Variants in NRP1 observed in about 807,000 individuals in gnomAD.
NRP1 encodes the protein neuropilin-1.
In NRP1, 35 loss-of-function variants were observed where a neutral mutation model predicts 106.7. The observed-to-expected ratio is 0.33, with a 90% CI of 0.25 to 0.43. The LOEUF is 0.43. NRP1 is among the 20% of genes least tolerant of loss of function. NRP1 has a pLI of 1.00. For synonymous variants in NRP1, 437 were observed against 417.9 expected, an observed-to-expected ratio of 1.05 and a Z score of -0.56; for missense variants, 1,024 against 1,170.4, an observed-to-expected ratio of 0.87 and a Z score of 1.83.
Position 33,226,268 on chromosome 10 carries a change from A to G in NRP1, c.1003T>C (p.Phe335Leu). The change falls in exon 7 of 17, where the codon TTT (phenylalanine) becomes CTT (leucine). Residue 335 changes from phenylalanine (F) to leucine (L), a missense_variant. Phe to Leu is a conservative substitution (Grantham distance 22). Transcript: ENST00000374867. ...WIQVDLGLLR[F>L]VTAVGTQGAI... ...CCCTGTGTCCCGACAGCCGTGACAA[A>G]GCGCAGAAGGCCCAAGTCTACCTGC... is the stretch of plus-strand genomic sequence containing the variant. 6.2e-7 allele frequency: 1 copy of G among 1,614,126 alleles called. No individual in the cohort carries two copies. Among genetic ancestry groups the G allele is most frequent in the South Asian group, 1.1e-5 (1 of 91,078 alleles).
chr10:33,242,141 T>G (rs988162605), intron 6 of NRP1, among the ~76,000 whole-genome samples: 9 of 148,832 alleles, frequency 6.0e-5, no homozygotes, highest in African/African-American at 2.4e-4. Flanking sequence ...TGCCTCCTTT[T>G]ACTCCCCCCA....
At chr10:33,287,117 C>T (rs1382456974) in intron 2 of NRP1, among the ~76,000 whole-genome samples, 2 of 152,146 alleles carry the variant, frequency 1.3e-5, no homozygotes, top group African/African-American at 2.4e-5. Flanking sequence ...AACGAACATA[C>T]ACTCAAAAAC....
intron 3 of NRP1, among the ~76,000 whole-genome samples, chr10:33,269,358 T>C (rs1843136567): frequency 6.6e-6 from 1 of 152,150 alleles, no homozygotes; most frequent in South Asian, 2.1e-4. Flanking sequence ...AGCGGCACGA[T>C]CAAGGCTCAA....
At chr10:33,276,596 T>C (rs1205063189) in intron 2 of NRP1, among the ~76,000 whole-genome samples, 1 of 152,222 alleles carries the variant, frequency 6.6e-6, no homozygotes, top group African/African-American at 2.4e-5. Flanking sequence ...GAGACACTTT[T>C]TATGCTTTTA....
intron 2 of NRP1, among the ~76,000 whole-genome samples, chr10:33,277,026 G>T (rs1270536868): frequency 1.3e-5 from 2 of 151,406 alleles, no homozygotes; most frequent in Non-Finnish European, 2.9e-5. Context: ...GATCACTTAA[G>T]CCCAGGAGTT....
chr10:33,213,833 T>A, intron 8 of NRP1, 116 bp from the exon 9 acceptor site: 1 of 810,290 alleles, frequency 1.2e-6, no homozygotes, highest in East Asian at 2.7e-5. Context: ...CATATACAAT[T>A]TTCAGTCTCT....
chr10:33,253,641 G>A (rs965477976), intron 6 of NRP1, among the ~76,000 whole-genome samples: 5 of 152,088 alleles, frequency 3.3e-5, no homozygotes, highest in Admixed American at 6.6e-5. Context: ...ATTTCATCCA[G>A]GAAATAAAAA....
At chr10:33,322,007 C>G (rs1043775987) in intron 2 of NRP1, among the ~76,000 whole-genome samples, 1 of 152,224 alleles carries the variant, frequency 6.6e-6, no homozygotes, top group African/African-American at 2.4e-5. Context: ...CCTGAGCAGT[C>G]TCCCTTTAAC....
At position 33,306,514 on chromosome 10, in the gene NRP1, A is replaced by G. The variant is rs73252179; in HGVS notation, c.248+24194T>C. On this transcript the variant is annotated intron_variant, in intron 2 of 16. Coordinates refer to ENST00000374867, the MANE Select transcript of NRP1 (RefSeq NM_003873.7). ...ACAAGAGATTAAGACAGGCCAGGCA[A>G]CGACTTAATATGGTAAAACATATCT... Among the ~76,000 whole-genome samples the G allele has an allele frequency of 5.8e-3, 880 of 152,326 alleles. 11 individuals carry two copies. Among genetic ancestry groups the G allele is most frequent in the African/African-American group, 0.02 (822 of 41,574 alleles).
rs142290176 is a variant in NRP1, at chr10:33,222,383, G to A, written c.1138-520C>T. On this transcript the variant is annotated intron_variant, in intron 7 of 16. Transcript: ENST00000374867. ...AAGATCTTGTCCCTCACACTAATGCGTGACTTTAATCCTTTTTTGATTATT... is the reference window on the plus strand; with the variant it reads ...AAGATCTTGTCCCTCACACTAATGCATGACTTTAATCCTTTTTTGATTATT... Among the ~76,000 whole-genome samples, 130 of 152,218 alleles carry A rather than the reference G, an allele frequency of 8.5e-4. 1 individual carries two copies. In the East Asian group the frequency reaches 0.021, roughly 25 times the overall value.
chr10:33,284,169 T>C (rs1844344555), intron 2 of NRP1, among the ~76,000 whole-genome samples: 2 of 152,212 alleles, frequency 1.3e-5, no homozygotes, highest in South Asian at 4.1e-4. Flanking sequence ...GGAGAGAGAA[T>C]GTTGTTCTTT....
In NRP1 at chr10:33,221,741, T is replaced by C; in HGVS notation, c.1260A>G (p.Glu420=). ...TWETGISMRF[E]VYGCKITDYP... ...TACCTGTTATCTTGCAACCGTATAC[T>C]TCAAATCTCATAGATATGCCAGTTT... The change falls in exon 8 of 17, where the codon GAA becomes GAG. Residue 420 remains glutamate, a synonymous_variant. Coordinates refer to ENST00000374867, the MANE Select transcript of NRP1 (RefSeq NM_003873.7). 1 of 1,614,132 alleles carries C rather than the reference T, an allele frequency of 6.2e-7. No homozygotes were observed. The highest frequency in any genetic ancestry group is 8.5e-7 in the Non-Finnish European group (1 of 1,179,970).
chr10:33,263,033 G>T (rs1359182696), intron 4 of NRP1, among the ~76,000 whole-genome samples: 1 of 152,154 alleles, frequency 6.6e-6, no homozygotes, highest in Non-Finnish European at 1.5e-5. Context: ...TGAATGCATA[G>T]GTCAATGACT....
chr10:33,195,258 C>T (rs185644661), intron 12 of NRP1, among the ~76,000 whole-genome samples: 2 of 152,190 alleles, frequency 1.3e-5, no homozygotes, highest in East Asian at 1.9e-4. Flanking sequence ...CCCATACAAT[C>T]GTAGGTGATG....
rs1026206144 is a variant in NRP1 at position 33,334,394 on chromosome 10, C to G, written c.-12G>C. ...AGCCCCCTCTCCATTCTCCCTTCTC[C>G]GGGTCCGCAGGCAGACGCGGGAGAA... On this transcript the variant is annotated 5_prime_UTR_variant, in exon 1 of 17. Transcript: ENST00000374867. 55 of 1,543,778 alleles carry G rather than the reference C, an allele frequency of 3.6e-5. No individual in the cohort carries two copies. Among genetic ancestry groups the G allele is most frequent in the Non-Finnish European group, 4.5e-5 (52 of 1,146,762 alleles).
intron 2 of NRP1, among the ~76,000 whole-genome samples, chr10:33,281,329 C>T (rs1009206196): frequency 1.3e-5 from 2 of 152,040 alleles, no homozygotes; most frequent in East Asian, 2.0e-4. Context: ...AGATTACAGG[C>T]GTGAGCCACC....
chr10:33,193,090 A>T (rs934195501), intron 12 of NRP1, among the ~76,000 whole-genome samples: 1 of 152,166 alleles, frequency 6.6e-6, no homozygotes, highest in Non-Finnish European at 1.5e-5. Flanking sequence ...ATGTAAGGTC[A>T]TCTAAATCCA....
intron 2 of NRP1, among the ~76,000 whole-genome samples, chr10:33,312,567 T>C (rs917649191): frequency 2.0e-5 from 3 of 152,262 alleles, no homozygotes; most frequent in Non-Finnish European, 2.9e-5. Flanking sequence ...GATTTGCTTC[T>C]GAAATAGAAT....
intron 7 of NRP1, 128 bp from the exon 8 acceptor site, chr10:33,221,991 TA>T (rs1226123200): frequency 1.1e-6 from 1 of 933,512 alleles, no homozygotes; most frequent in African/African-American, 1.7e-5. Flanking sequence ...GAGATGGCGT[TA>T]ATAACTCGCC....
Sources: allele counts gnomAD v4.1 joint callset (sites outside exome capture counted in the v4.1 genomes callset), GRCh38; gene constraint gnomAD v4.1.1; transcripts MANE v1.5; gene names NCBI Gene and HGNC (gene_info 2026-07-23, HGNC 2026-07-21).